Variants in DNAH6 observed in about 807,000 individuals in gnomAD.
DNAH6 encodes axonemal beta dynein heavy chain 6.
DNAH6 carries 340 observed loss-of-function variants against 491.4 expected under a neutral mutation model. The observed-to-expected ratio is 0.69, with a 90% CI of 0.63 to 0.76. The LOEUF (loss-of-function observed/expected upper bound fraction) is 0.76, where lower values mean the gene tolerates loss of function less well. Ranked by LOEUF, DNAH6 falls within the 30% of genes least tolerant of loss-of-function variation. The probability of loss-of-function intolerance (pLI) is 0.00; values close to 1 mark genes in which losing one functional copy is unlikely to be tolerated. For synonymous variants in DNAH6, 1,603 were observed against 1,686.1 expected, an observed-to-expected ratio of 0.95 and a Z score of 1.21; for missense variants, 4,443 against 4,972.2, an observed-to-expected ratio of 0.89 and a Z score of 3.20.
chr2:84,763,868 T>C (rs1674828129), intron 64 of DNAH6, among the ~76,000 whole-genome samples: 1 of 151,846 alleles, frequency 6.6e-6, no homozygotes, highest in African/African-American at 2.4e-5. Context: ...GAGCTGATGG[T>C]ATAAGTACCA....
chr2:84,768,821 G>C (rs1675338090), intron 64 of DNAH6, among the ~76,000 whole-genome samples: 1 of 152,130 alleles, frequency 6.6e-6, no homozygotes. Flanking sequence ...GGTGGAAATT[G>C]ACAAGATACT....
At chr2:84,710,002 G>T (rs979677990) in intron 55 of DNAH6, among the ~76,000 whole-genome samples, 1 of 152,192 alleles carries the variant, frequency 6.6e-6, no homozygotes, top group African/African-American at 2.4e-5. Context: ...GTTTGGAAGA[G>T]GGAGCCACTG....
intron 62 of DNAH6, among the ~76,000 whole-genome samples, chr2:84,744,489 G>A (rs1293660945): frequency 6.6e-6 from 1 of 151,924 alleles, no homozygotes; most frequent in Non-Finnish European, 1.5e-5. Flanking sequence ...CGTTTATTAG[G>A]GCATAATGTA....
chr2:84,554,885 G>A (rs972682036), intron 10 of DNAH6, among the ~76,000 whole-genome samples: 3 of 152,188 alleles, frequency 2.0e-5, no homozygotes, highest in Non-Finnish European at 4.4e-5. Flanking sequence ...TACCCCCAAG[G>A]GGTGGGCCTC....
the DNAH6 span, among the ~76,000 whole-genome samples, chr2:84,508,964 T>G: frequency 4.6e-5 from 7 of 152,212 alleles, no homozygotes; most frequent in Admixed American, 4.6e-4. Context: ...CTTTTACATT[T>G]GCTGAGGAGT....
chr2:84,667,391 C>G (rs1039090633), intron 37 of DNAH6, among the ~76,000 whole-genome samples: 11 of 152,092 alleles, frequency 7.2e-5, no homozygotes, highest in Non-Finnish European at 1.2e-4. Context: ...AAAACTTAAA[C>G]AAATTTACAA....
chr2:84,745,251 T>G lies in DNAH6; in HGVS notation c.10512+2T>G. On this transcript the variant is annotated splice_donor_variant, in intron 63 of 76. Transcript: ENST00000389394. LOFTEE classifies it high-confidence loss of function. The stretch of plus-strand genomic sequence containing the variant: ...ATTAAATGTTGTAAAGAAGAAAAGG[T>G]AGGGCATTTTTTTAATTAAAGGACT... 1 of 1,475,362 alleles carries G rather than the reference T, an allele frequency of 6.8e-7. No homozygotes were observed. 91.4% of individuals were successfully genotyped at this position (1,475,362 alleles called of 1,614,324 possible).
At chr2:84,704,362 C>T in intron 51 of DNAH6, 60 bp downstream of exon 51, 1 of 1,259,910 alleles carries the variant, frequency 7.9e-7, no homozygotes, top group East Asian at 2.5e-5. Context: ...TACTGTTTTC[C>T]TCCATGGTAA....
At position 84,570,103 on chromosome 2, in the gene DNAH6, C is replaced by G. The variant is rs867696144; in HGVS notation, c.1804-3364C>G. On this transcript the variant is annotated intron_variant, in intron 11 of 76. Coordinates refer to ENST00000389394, the MANE Select transcript of DNAH6 (RefSeq NM_001370.2). ...CTCTCTTTGTTCTCTTTGCAGTACT[C>G]TCTTCTTCAAGGGGTGGGGTAGGAT... 1.1e-4 allele frequency among the ~76,000 whole-genome samples: 16 copies of G among 152,086 alleles called. No homozygotes were observed. In the East Asian group the frequency reaches 1.5e-3, roughly 15 times the overall value.
chr2:84,731,197 G>A (rs1699087104), intron 61 of DNAH6, among the ~76,000 whole-genome samples: 1 of 152,180 alleles, frequency 6.6e-6, no homozygotes, highest in Non-Finnish European at 1.5e-5. Flanking sequence ...CTGCACTCAA[G>A]ACTGATGCAG....
chr2:84,763,056 CACTT>C (rs1281317510), intron 64 of DNAH6, 111 bp downstream of exon 64: 5 of 754,406 alleles, frequency 6.6e-6, no homozygotes, highest in African/African-American at 1.8e-5. Flanking sequence ...ATTCAGGTAT[CACTT>C]ACTACATAAA....
chr2:84,561,174 T>C (rs915062377), intron 11 of DNAH6, among the ~76,000 whole-genome samples: 2 of 152,198 alleles, frequency 1.3e-5, no homozygotes, highest in East Asian at 1.9e-4. Flanking sequence ...AGCATGGTAC[T>C]GGTACCAAAA....
chr2:84,637,725 A>T (rs1224215381), intron 31 of DNAH6, among the ~76,000 whole-genome samples: 1 of 152,158 alleles, frequency 6.6e-6, no homozygotes, highest in African/African-American at 2.4e-5. Context: ...CTCTTTGCAC[A>T]TTATTTTTTA....
chr2:84,609,931 T>C (rs1190570733), intron 21 of DNAH6, among the ~76,000 whole-genome samples: 1 of 152,132 alleles, frequency 6.6e-6, no homozygotes, highest in Non-Finnish European at 1.5e-5. Context: ...AAACAAATAC[T>C]ACAAACTTAA....
intron 16 of DNAH6, among the ~76,000 whole-genome samples, chr2:84,592,626 G>A (rs542175677): frequency 6.6e-6 from 1 of 152,244 alleles, no homozygotes; most frequent in South Asian, 2.1e-4. Flanking sequence ...AGATATATTT[G>A]CACTCCCGTG....
At chr2:84,538,814 T>A (rs1168510920) in intron 4 of DNAH6, among the ~76,000 whole-genome samples, 1 of 152,118 alleles carries the variant, frequency 6.6e-6, no homozygotes, top group Non-Finnish European at 1.5e-5. Context: ...CTAAACTTGT[T>A]AAAAGTACTT....
intron 64 of DNAH6, among the ~76,000 whole-genome samples, chr2:84,769,542 G>A (rs980965467): frequency 2.0e-5 from 3 of 152,182 alleles, no homozygotes; most frequent in Admixed American, 6.5e-5. Flanking sequence ...CTCTAGCTTA[G>A]CAATGGTGTG....
At chr2:84,499,809 G>T in the DNAH6 span, among the ~76,000 whole-genome samples, 1 of 151,900 alleles carries the variant, frequency 6.6e-6, no homozygotes, top group Non-Finnish European at 1.5e-5. Flanking sequence ...CTTTTCATAT[G>T]CCTGTTTGAC....
At chr2:84,497,236 G>A in the DNAH6 span, among the ~76,000 whole-genome samples, 1 of 152,090 alleles carries the variant, frequency 6.6e-6, no homozygotes, top group Non-Finnish European at 1.5e-5. Flanking sequence ...CTCCCAAAGT[G>A]CTGGGAATAC....
Sources: gnomAD v4.1 joint callset for allele counts (sites outside exome capture counted in the v4.1 genomes callset) on GRCh38, gnomAD v4.1.1 for gene constraint, MANE v1.5 for transcripts, NCBI Gene and HGNC (gene_info 2026-07-23, HGNC 2026-07-21) for gene names.